Variants in TBXAS1 observed in about 807,000 individuals in gnomAD.
The protein encoded by TBXAS1 is thromboxane-A synthase.
In TBXAS1, 48 loss-of-function variants were observed where a neutral mutation model predicts 60.7. The observed-to-expected ratio is 0.79, with a 90% CI of 0.63 to 1.01. The LOEUF (loss-of-function observed/expected upper bound fraction) is 1.01. Ranked by LOEUF, TBXAS1 falls within the 50% of genes least tolerant of loss-of-function variation. The pLI is 0.00. For synonymous variants in TBXAS1, 287 were observed against 269.7 expected (o/e 1.06, Z -0.63); for missense variants, 685 against 686.3 (o/e 1.00, Z 0.02).
intron 9 of TBXAS1, among the ~76,000 whole-genome samples, chr7:139,990,922 C>T (rs538350916): frequency 2.0e-5 from 3 of 152,144 alleles, no homozygotes; most frequent in African/African-American, 4.8e-5. Context: ...AGAAGCCTCC[C>T]GACGGTGCAG....
chr7:139,805,732 T>TCTCTCTCTC lies in TBXAS1; in HGVS notation c.-80+18306_-80+18307insCTCTCTCTC, dbSNP rs1569492548. ...TTTCTTTCTCTCTCTCTCTCTCTCT[T>TCTCTCTCTC]TCTTTCTTTCTTTCTTTCTTTCTTG... On this transcript the variant is annotated intron_variant, in intron 4 of 16. Transcript: ENST00000336425. 4.9e-3 allele frequency among the ~76,000 whole-genome samples: 363 copies of TCTCTCTCTC among 74,472 alleles called. 5 individuals carry two copies. Among genetic ancestry groups the TCTCTCTCTC allele is most frequent in the Non-Finnish European group, 5.5e-3 (223 of 40,474 alleles). The allele number at this position is 74,472 out of a possible 152,430, so 48.9% of individuals were successfully genotyped here. A position where few individuals can be genotyped will look rare whatever the true frequency, so the allele number is the denominator to read the frequency against.
chr7:139,963,638 C>T (rs193152937), intron 9 of TBXAS1, among the ~76,000 whole-genome samples: 2 of 152,224 alleles, frequency 1.3e-5, no homozygotes, highest in East Asian at 3.9e-4. Context: ...GACTGGGGTG[C>T]ATTAGTGCAA....
At chr7:139,803,998 C>T (rs1187181455) in intron 4 of TBXAS1, among the ~76,000 whole-genome samples, 2 of 152,212 alleles carry the variant, frequency 1.3e-5, no homozygotes, top group East Asian at 1.9e-4. Context: ...CTCTAGGGCA[C>T]TGCCTAGTGG....
At chr7:139,957,580 C>T (rs1423170479) in intron 7 of TBXAS1, 54 bp from the exon 8 acceptor site, 1 of 1,612,646 alleles carries the variant, frequency 6.2e-7, no homozygotes, top group Non-Finnish European at 8.5e-7. Flanking sequence ...CGTCTAATGG[C>T]CCTGGTTTAT....
chr7:139,875,108 A>AC (rs1043987107), intron 2 of TBXAS1, among the ~76,000 whole-genome samples: 4 of 152,106 alleles, frequency 2.6e-5, no homozygotes, highest in African/African-American at 9.7e-5. Flanking sequence ...AAAACAAACA[A>AC]AACAACAACA....
chr7:139,881,211 T>C (rs185109105), intron 3 of TBXAS1, among the ~76,000 whole-genome samples: 23 of 152,350 alleles, frequency 1.5e-4, no homozygotes, highest in African/African-American at 5.0e-4. Context: ...CTCTTTATCA[T>C]TGTCTTTGAC....
At chr7:140,016,170 T>TA (rs1815044283) in intron 11 of TBXAS1, among the ~76,000 whole-genome samples, 2 of 151,454 alleles carry the variant, frequency 1.3e-5, no homozygotes, top group Non-Finnish European at 2.9e-5. Flanking sequence ...CTACTAAAAA[T>TA]ACAAAAACTT....
chr7:139,809,233 T>TAGATAGATGATAGATAGATAGATA (rs1554466810), intron 4 of TBXAS1, among the ~76,000 whole-genome samples: 24 of 131,086 alleles, frequency 1.8e-4, no homozygotes, highest in Admixed American at 4.9e-4. Flanking sequence ...GATAGATAGA[T>TAGATAGATGATAGATAGATAGATA]GATAGATAGA....
intron 12 of TBXAS1, among the ~76,000 whole-genome samples, chr7:140,018,123 G>C (rs1815249635): frequency 6.6e-6 from 1 of 152,198 alleles, no homozygotes; most frequent in African/African-American, 2.4e-5. Context: ...TATTAGTATT[G>C]TTCTCTGCAC....
chr7:140,003,250 TCTTGATGCCTAGGCTGTGATCTCAG>T (rs1327162594), intron 9 of TBXAS1, among the ~76,000 whole-genome samples: 1 of 152,094 alleles, frequency 6.6e-6, no homozygotes, highest in Admixed American at 6.5e-5. Context: ...GGAGTTTTGC[TCTTGATGCCTAGGCTGTGATCTCAG>T]CTCACTGCAA....
chr7:139,791,021 C>T (rs966658740), intron 4 of TBXAS1, among the ~76,000 whole-genome samples: 1 of 152,306 alleles, frequency 6.6e-6, no homozygotes, highest in South Asian at 2.1e-4. Context: ...CCATGCTGGT[C>T]TCGAACTCTT....
chr7:139,875,640 A>G lies in TBXAS1; in HGVS notation c.236+3A>G, dbSNP rs1802172434. 1 of 1,609,062 alleles carries G rather than the reference A, an allele frequency of 6.2e-7. No individual in the cohort carries two copies. Among genetic ancestry groups the G allele is most frequent in the East Asian group, 2.2e-5 (1 of 44,886 alleles). On this transcript the variant is annotated splice_donor_region_variant and intron_variant, in intron 3 of 12. Coordinates refer to ENST00000448866, the MANE Select transcript of TBXAS1 (RefSeq NM_001061.7). ...AAGCTGTATGGACCTCTGTGTGGGT[A>G]AGAAGGAAACTCAACGTTTCTATTA... is the stretch of plus-strand genomic sequence containing the variant.
rs574250694 is a variant in TBXAS1 at position 139,936,126 on chromosome 7, T to G, written c.334-65T>G. On this transcript the variant is annotated intron_variant, in intron 4 of 12. Coordinates refer to ENST00000448866, the MANE Select transcript of TBXAS1 (RefSeq NM_001061.7). ...TTAACCAGGGTGTTTGTCATGGACC[T>G]GTATTGCCACCAAGGTGGCTTTGGC... The G allele has an allele frequency of 2.7e-6, 4 of 1,474,034 alleles. No homozygotes were observed. The Admixed American group carries it at 5.0e-5, about 18-fold the overall frequency. The allele number at this position is 1,474,034 out of a possible 1,614,324, so 91.3% of individuals were successfully genotyped here.
rs564379048 is a variant in TBXAS1 at position 139,781,113 on chromosome 7, A to G, written c.-233+289A>G. Among the ~76,000 whole-genome samples the G allele has an allele frequency of 1.1e-4, 17 of 152,362 alleles. No homozygotes were observed. In the East Asian group the frequency reaches 1.3e-3, roughly 12 times the overall value. On this transcript the variant is annotated intron_variant, in intron 2 of 16. Transcript: ENST00000336425. ...GATGGAGCCATACAGACAGAGGTCC[A>G]CCTTCTCTTCAGACCACCATGACTG...
At chr7:139,889,933 G>A (rs539623769) in intron 3 of TBXAS1, among the ~76,000 whole-genome samples, 31 of 152,272 alleles carry the variant, frequency 2.0e-4, no homozygotes, top group Non-Finnish European at 3.8e-4. Flanking sequence ...TAGGAATGAA[G>A]CACTCAGAGG....
intron 3 of TBXAS1, among the ~76,000 whole-genome samples, chr7:139,784,010 TG>T (rs1034174299): frequency 8.4e-5 from 9 of 107,228 alleles, no homozygotes; most frequent in African/African-American, 3.2e-4. Context: ...TAGTTTTTTT[TG>T]TTTTTTTTTT....
intron 3 of TBXAS1, among the ~76,000 whole-genome samples, chr7:139,899,343 A>G (rs1037107049): frequency 5.3e-5 from 8 of 152,100 alleles, no homozygotes; most frequent in Non-Finnish European, 7.4e-5. Context: ...TAGCTCGGTC[A>G]CCCCTAACAG....
At chr7:139,779,681 C>T (rs1796916971) in intron 1 of TBXAS1, among the ~76,000 whole-genome samples, 1 of 152,192 alleles carries the variant, frequency 6.6e-6, no homozygotes, top group Non-Finnish European at 1.5e-5. Flanking sequence ...ATATTGCCAT[C>T]TTCATAATAC....
At position 140,005,148 on chromosome 7, in the gene TBXAS1, T is replaced by C. The variant is rs547709455; in HGVS notation, c.1135-1943T>C. ...GCACAGATTCAAAGATAAAGTTACG[T>C]CCGGGTGCAGTGGCTCACGCCTGTA... On this transcript the variant is annotated intron_variant, in intron 9 of 12. Coordinates refer to ENST00000448866, the MANE Select transcript of TBXAS1 (RefSeq NM_001061.7). Among the ~76,000 whole-genome samples the C allele has an allele frequency of 1.8e-4, 27 of 152,212 alleles. No individual in the cohort carries two copies. In the East Asian group the frequency reaches 4.1e-3, roughly 23 times the overall value.
Sources: allele counts gnomAD v4.1 joint callset (sites outside exome capture counted in the v4.1 genomes callset), GRCh38; gene constraint gnomAD v4.1.1; transcripts MANE v1.5; gene names NCBI Gene and HGNC (gene_info 2026-07-23, HGNC 2026-07-21).